SLC22A23: variants seen among roughly 807,000 people sequenced by gnomAD.
SLC22A23 encodes solute carrier family 22 member 23.
SLC22A23 carries 26 observed loss-of-function variants against 61.0 expected under a neutral mutation model. The observed-to-expected ratio is 0.43, with a 90% CI of 0.31 to 0.59. SLC22A23 has a LOEUF of 0.59. Among genes scored for constraint, SLC22A23 ranks in the 20% least tolerant of loss-of-function variants. The pLI is 0.11. For synonymous variants in SLC22A23, 430 were observed against 413.9 expected, an observed-to-expected ratio of 1.04 and a Z score of -0.47; for missense variants, 796 against 934.7, an observed-to-expected ratio of 0.85 and a Z score of 1.94.
In SLC22A23 at chr6:3,309,202, G is replaced by A. The variant is rs1446848107; in HGVS notation, c.1083-10984C>T. 1.3e-5 allele frequency among the ~76,000 whole-genome samples: 2 copies of A among 151,606 alleles called. No individual in the cohort carries two copies. Among genetic ancestry groups the A allele is most frequent in the South Asian group, 2.1e-4 (1 of 4,802 alleles). ...TATAATCCCAGCTATTCAGGAGGCT[G>A]AGACAGGAGAATCGCTTGAACCCGG... is the stretch of plus-strand genomic sequence containing the variant. On this transcript the variant is annotated intron_variant, in intron 4 of 9. Transcript: ENST00000406686. This position sits in a 1 kb window ranked among gnomAD's most constrained non-coding sequence, Gnocchi z 4.7.
In SLC22A23 at chr6:3,286,976, G is replaced by T. The variant is rs1250875250; in HGVS notation, c.1429C>A (p.Leu477Met). Residue 477 changes from leucine to methionine, a missense_variant, in exon 7 of 10, where the codon CTG (leucine) becomes ATG (methionine). Transcript: ENST00000406686. The surrounding 1 kb of genome is among the most constrained non-coding windows in gnomAD (Gnocchi z 4.2). ...ACGCACATGGCCAGGCAGGACACCAGCGCGATGCTGGCCGTGGTATAGTAG... is the reference window on the plus strand; with the variant it reads ...ACGCACATGGCCAGGCAGGACACCATCGCGATGCTGGCCGTGGTATAGTAG... ...ADYYTTASIA[L>M]VSCLAMCVVV... 6.2e-7 allele frequency: 1 copy of T among 1,614,136 alleles called. No individual in the cohort carries two copies. The highest frequency in any genetic ancestry group is 8.5e-7 in the Non-Finnish European group (1 of 1,180,034).
chr6:3,454,981 GAATT>G lies in SLC22A23; in HGVS notation c.654+921_654+924del, dbSNP rs1280336913. Among the ~76,000 whole-genome samples the G allele has an allele frequency of 6.6e-6, 1 of 152,190 alleles. No individual in the cohort carries two copies. Among genetic ancestry groups the G allele is most frequent in the Non-Finnish European group, 1.5e-5 (1 of 68,034 alleles). On this transcript the variant is annotated intron_variant, in intron 1 of 9. Coordinates refer to ENST00000406686, the MANE Select transcript of SLC22A23 (RefSeq NM_015482.2). The surrounding 1 kb of genome is among the most constrained non-coding windows in gnomAD (Gnocchi z 4.3). ...AGAGTCTGTATTTACTTTAAAATGT[GAATT>G]AATTAGTTTAGACACAAGGAGCAAA... is the stretch of plus-strand genomic sequence containing the variant.
chr6:3,410,146 T>TGCTAAATTCTTTC lies in SLC22A23; in HGVS notation c.913+29_913+41dup. 6.4e-7 allele frequency: 1 copy of TGCTAAATTCTTTC among 1,571,962 alleles called. No homozygotes were observed. Among genetic ancestry groups the TGCTAAATTCTTTC allele is most frequent in the Non-Finnish European group, 8.6e-7 (1 of 1,159,272 alleles). On this transcript the variant is annotated intron_variant, in intron 3 of 9. Coordinates refer to ENST00000406686, the MANE Select transcript of SLC22A23 (RefSeq NM_015482.2). The surrounding 1 kb of genome is among the most constrained non-coding windows in gnomAD (Gnocchi z 5.0). Reference sequence around the variant, plus strand: ...AGAACCTCCCAGGCAACAATACTTTTGCTAAATTCTTTCAAGACTAGTCGT... The same window carrying TGCTAAATTCTTTC: ...AGAACCTCCCAGGCAACAATACTTTTGCTAAATTCTTTCGCTAAATTCTTTCAAGACTAGTCGT...
rs967316910 is a variant in SLC22A23 at position 3,456,150 on chromosome 6, A to T, written c.410T>A (p.Leu137Gln). ...CCGGCCTGTGGTGGTGACCCCTGCC[A>T]GCTCGGTGCCTTTGCCGGCCCCGCG... ...WCRGAGKGTE[L>Q]AGVTTTGRGG... The change falls in exon 1 of 10, where the codon CTG becomes CAG. Residue 137 changes from leucine to glutamine, a missense_variant. Transcript: ENST00000406686. This position sits in a 1 kb window ranked among gnomAD's most constrained non-coding sequence, Gnocchi z 7.1. The T allele has an allele frequency of 1.3e-6, 2 of 1,551,148 alleles. No individual in the cohort carries two copies. Among genetic ancestry groups the T allele is most frequent in the Non-Finnish European group, 1.7e-6 (2 of 1,146,830 alleles).
At chr6:3,332,867 C>T (rs1381668106) in intron 3 of SLC22A23, among the ~76,000 whole-genome samples, 11 of 152,292 alleles carry the variant, frequency 7.2e-5, no homozygotes, top group Admixed American at 7.2e-4. Flanking sequence ...CCTCTTTCCC[C>T]ATGGAACTTG....
At chr6:3,282,323 T>C in intron 9 of SLC22A23, 1 of 702,526 alleles carries the variant, frequency 1.4e-6, no homozygotes, top group Non-Finnish European at 2.6e-6. Context: ...CTGTGGCTGA[T>C]GCAGAAGGTA....
At chr6:3,392,468 G>A (rs1195017466) in intron 3 of SLC22A23, among the ~76,000 whole-genome samples, 1 of 152,218 alleles carries the variant, frequency 6.6e-6, no homozygotes, top group African/African-American at 2.4e-5. Flanking sequence ...GATTCAGGCT[G>A]TATGAATATC....
At chr6:3,292,166 TCAA>T (rs1223025763) in intron 5 of SLC22A23, among the ~76,000 whole-genome samples, 3 of 152,196 alleles carry the variant, frequency 2.0e-5, no homozygotes, top group Non-Finnish European at 4.4e-5. Context: ...CACCAGCCTG[TCAA>T]CAACAGCATG....
At chr6:3,276,085 C>T (rs1175963321) in intron 9 of SLC22A23, among the ~76,000 whole-genome samples, 3 of 152,180 alleles carry the variant, frequency 2.0e-5, no homozygotes, top group Non-Finnish European at 4.4e-5. Context: ...GCCTTTTTCT[C>T]AGAATGCAAT....
rs753547744 is a variant in SLC22A23 at position 3,351,630 on chromosome 6, C to T, written c.914-27628G>A. Among the ~76,000 whole-genome samples the T allele has an allele frequency of 1.4e-3, 215 of 152,110 alleles. 2 individuals carry two copies. Among genetic ancestry groups the T allele is most frequent in the Non-Finnish European group, 2.1e-3 (143 of 67,972 alleles). Reference sequence around the variant, plus strand: ...ACTGCTCTGGAAACCTCTCTCCCCTCGACCTTTCCTGGCTTTCGCCTAAGA... The same window carrying T: ...ACTGCTCTGGAAACCTCTCTCCCCTTGACCTTTCCTGGCTTTCGCCTAAGA... On this transcript the variant is annotated intron_variant, in intron 3 of 9. Coordinates refer to ENST00000406686, the MANE Select transcript of SLC22A23 (RefSeq NM_015482.2).
rs139597606 is a variant in SLC22A23 at position 3,424,238 on chromosome 6, T to C, written c.655-8383A>G. On this transcript the variant is annotated intron_variant, in intron 1 of 9. Coordinates refer to ENST00000406686, the MANE Select transcript of SLC22A23 (RefSeq NM_015482.2). Reference sequence around the variant, plus strand: ...TGCTCACAGCTCCCCAGAGCCTCCATGCCCTTGGCCCATGTTGCTCTTCTG... The same window carrying C: ...TGCTCACAGCTCCCCAGAGCCTCCACGCCCTTGGCCCATGTTGCTCTTCTG... 3.2e-3 allele frequency among the ~76,000 whole-genome samples: 492 copies of C among 152,308 alleles called. 2 individuals carry two copies. The highest frequency in any genetic ancestry group is 0.017 in the Middle Eastern group (5 of 294).
At chr6:3,392,799 T>G (rs1015406044) in intron 3 of SLC22A23, among the ~76,000 whole-genome samples, 1 of 152,074 alleles carries the variant, frequency 6.6e-6, no homozygotes, top group Admixed American at 6.6e-5. Context: ...GGCCACACAA[T>G]CTGAAATGCC....
intron 9 of SLC22A23, among the ~76,000 whole-genome samples, chr6:3,277,136 G>C (rs115850320): frequency 0.012 from 1,762 of 152,266 alleles, 12 homozygotes; most frequent in Non-Finnish European, 0.018. Context: ...CAGGGTCTAG[G>C]GGGCAGCTGG....
At chr6:3,319,701 A>C (rs1762840535) in intron 4 of SLC22A23, among the ~76,000 whole-genome samples, 1 of 152,102 alleles carries the variant, frequency 6.6e-6, no homozygotes, top group Admixed American at 6.5e-5. Context: ...CTCATAGTGG[A>C]TTCCCCGTGG....
At chr6:3,301,415 A>AAT (rs1197440334) in intron 4 of SLC22A23, among the ~76,000 whole-genome samples, 7 of 152,250 alleles carry the variant, frequency 4.6e-5, no homozygotes, top group Admixed American at 2.6e-4. Flanking sequence ...ACAATATATG[A>AAT]ATATATATAA....
rs9503533 is a variant in SLC22A23, at chr6:3,322,807, A to G, written c.1082+1027T>C. Among the ~76,000 whole-genome samples, 8,622 of 152,246 alleles carry G rather than the reference A, an allele frequency of 0.057. 828 individuals carry two copies. Among genetic ancestry groups the G allele is most frequent in the African/African-American group, 0.19 (8,084 of 41,514 alleles). On this transcript the variant is annotated intron_variant, in intron 4 of 9. Coordinates refer to ENST00000406686, the MANE Select transcript of SLC22A23 (RefSeq NM_015482.2). This position sits in a 1 kb window ranked among gnomAD's most constrained non-coding sequence, Gnocchi z 4.1. ...CTCAGCTCCAGTGAACCCTTAAAGCAAGGACAAGACTGACTGCACGGCCAG... is the reference window on the plus strand; with the variant it reads ...CTCAGCTCCAGTGAACCCTTAAAGCGAGGACAAGACTGACTGCACGGCCAG...
chr6:3,376,400 T>C (rs757615969), intron 3 of SLC22A23, among the ~76,000 whole-genome samples: 1 of 152,078 alleles, frequency 6.6e-6, no homozygotes, highest in Non-Finnish European at 1.5e-5. Flanking sequence ...CTACCGCCCC[T>C]CACCTCGCAC....
intron 3 of SLC22A23, among the ~76,000 whole-genome samples, chr6:3,404,047 A>G (rs1449907516): frequency 1.3e-5 from 2 of 152,222 alleles, no homozygotes; most frequent in African/African-American, 4.8e-5. Context: ...CAAATGAAGC[A>G]CAGACACACT....
Position 3,273,345 on chromosome 6 carries a change from G to A in SLC22A23, c.1771C>T (p.Leu591=). Residue 591 remains leucine (L), a synonymous_variant, in exon 10 of 10, where the codon CTG becomes TTG. Coordinates refer to ENST00000406686, the MANE Select transcript of SLC22A23 (RefSeq NM_015482.2). ...AGGAAGTAGCCTTTCTGGTTGTGCAGCTCGATGATGGGTGCCGTCAGCATG... is the reference window on the plus strand; with the variant it reads ...AGGAAGTAGCCTTTCTGGTTGTGCAACTCGATGATGGGTGCCGTCAGCATG... ...FGMLTAPIIE[L]HNQKGYFLHH... The A allele has an allele frequency of 1.9e-6, 3 of 1,613,954 alleles. No individual in the cohort carries two copies. Among genetic ancestry groups the A allele is most frequent in the Non-Finnish European group, 2.5e-6 (3 of 1,179,986 alleles).
Sources: gnomAD v4.1 joint callset for allele counts (sites outside exome capture counted in the v4.1 genomes callset) on GRCh38, gnomAD v4.1.1 for gene constraint, Gnocchi (gnomAD v3.1) non-coding constraint, MANE v1.5 for transcripts, NCBI Gene and HGNC (gene_info 2026-07-23, HGNC 2026-07-21) for gene names.